The following PTPRO variants were observed in gnomAD, a reference collection of about 807,000 sequenced individuals.
PTPRO encodes receptor-type tyrosine-protein phosphatase O.
Under a neutral mutation model 145.2 loss-of-function variants are expected in PTPRO, and 62 were observed. That is an observed-to-expected ratio of 0.43 (90% CI 0.35 to 0.53). The LOEUF (loss-of-function observed/expected upper bound fraction) is 0.53. PTPRO is among the 20% of genes least tolerant of loss of function. PTPRO has a pLI of 0.01. For missense variants in PTPRO, 1,345 were observed against 1,482.7 expected (o/e 0.91, Z 1.53); for synonymous variants, 565 against 514.7 (o/e 1.10, Z -1.32).
At position 15,549,076 on chromosome 12, in the gene PTPRO, T is replaced by C. The variant is rs911087089; in HGVS notation, c.2305-18T>C. ...GATGAAGTTAACCTAAAATTTACCT[T>C]ATTTTCTGAAACCCCAGGAACCAGT... On this transcript the variant is annotated intron_variant, in intron 13 of 26. Transcript: ENST00000281171. 9 of 1,612,330 alleles carry C rather than the reference T, an allele frequency of 5.6e-6. No individual in the cohort carries two copies. Among genetic ancestry groups the C allele is most frequent in the African/African-American group, 1.3e-5 (1 of 74,846 alleles).
Position 15,557,528 on chromosome 12 carries a change from G to A in PTPRO, c.2627+5G>A. 6.2e-7 allele frequency: 1 copy of A among 1,612,090 alleles called. No homozygotes were observed. Among genetic ancestry groups the A allele is most frequent in the Non-Finnish European group, 8.5e-7 (1 of 1,178,214 alleles). On this transcript the variant is annotated splice_donor_5th_base_variant and intron_variant, in intron 16 of 26. Coordinates refer to ENST00000281171, the MANE Select transcript of PTPRO (RefSeq NM_030667.3). Reference sequence around the variant, plus strand: ...TGGAAAGCTTCCATACAACTGGTGAGTATTGTTTTGGAACAAGCTTCTACA... The same window carrying A: ...TGGAAAGCTTCCATACAACTGGTGAATATTGTTTTGGAACAAGCTTCTACA...
chr12:15,515,538 G>A lies in PTPRO; in HGVS notation c.1505G>A (p.Gly502Asp). 6.2e-7 allele frequency: 1 copy of A among 1,613,892 alleles called. No individual in the cohort carries two copies. Among genetic ancestry groups the A allele is most frequent in the Non-Finnish European group, 8.5e-7 (1 of 1,179,908 alleles). The change falls in exon 8 of 27, where the codon GGT becomes GAT. Residue 502 changes from glycine to aspartate, a missense_variant. By Grantham distance (94) the Gly-to-Asp change is moderately conservative. Around this residue, in one of 3 missense-constraint regions of PTPRO, gnomAD observed 1,130 missense variants for 1,214.7 expected, o/e 0.93. Coordinates refer to ENST00000281171, the MANE Select transcript of PTPRO (RefSeq NM_030667.3). ...SKPIIENLVP[G>D]AQYQVVIYLR... is the part of the protein sequence containing the mutation. The stretch of plus-strand genomic sequence containing the variant: ...CCTATTATTGAAAATCTGGTTCCTG[G>A]TGCCCAGTACCAGGTTGTAATATAC...
chr12:15,578,775 T>C, intron 19 of PTPRO, 78 bp from the exon 20 acceptor site: 1 of 1,061,096 alleles, frequency 9.4e-7, no homozygotes. Flanking sequence ...AAAGGGCTTG[T>C]GAGCAATAAA....
intron 26 of PTPRO, chr12:15,595,505 C>G (rs941652134): frequency 5.2e-6 from 1 of 190,646 alleles, no homozygotes; most frequent in African/African-American, 2.3e-5. Context: ...ACAATAGAGT[C>G]TCAGGATAGC....
At chr12:15,587,303 G>A (rs1944450425) in intron 24 of PTPRO, 9 of 473,196 alleles carry the variant, frequency 1.9e-5, no homozygotes, top group South Asian at 1.7e-4. Context: ...GAGATGTTAA[G>A]GGATTCACAC....
At chr12:15,543,721 T>C (rs576925159) in intron 12 of PTPRO, among the ~76,000 whole-genome samples, 12 of 152,234 alleles carry the variant, frequency 7.9e-5, no homozygotes, top group African/African-American at 2.4e-4. Context: ...ATAGATTATA[T>C]AGGAAATAAT....
At position 15,504,050 on chromosome 12, in the gene PTPRO, A is replaced by G; in HGVS notation, c.1248A>G (p.Lys416=). 1 of 1,612,934 alleles carries G rather than the reference A, an allele frequency of 6.2e-7. No homozygotes were observed. Among genetic ancestry groups the G allele is most frequent in the Middle Eastern group, 1.7e-4 (1 of 6,058 alleles). Residue 416 remains lysine, a synonymous_variant, in exon 6 of 27, where the codon AAA becomes AAG. Coordinates refer to ENST00000281171, the MANE Select transcript of PTPRO (RefSeq NM_030667.3). ...SCETRKSQSA[K]SLSFYISPSG... Reference sequence around the variant, plus strand: ...AAACTCGAAAAAGTCAGTCAGCAAAATCACTCAGCTTTTATATCAGTAAGT... The same window carrying G: ...AAACTCGAAAAAGTCAGTCAGCAAAGTCACTCAGCTTTTATATCAGTAAGT...
intron 8 of PTPRO, among the ~76,000 whole-genome samples, chr12:15,516,336 C>CAAAA (rs548537781): frequency 6.4e-5 from 4 of 62,528 alleles, no homozygotes; most frequent in African/African-American, 2.4e-4. Context: ...GACCCTGTCT[C>CAAAA]AAAAAAAAAA....
chr12:15,462,128 A>C (rs1311215918), intron 1 of PTPRO, among the ~76,000 whole-genome samples: 2 of 151,956 alleles, frequency 1.3e-5, no homozygotes, highest in Non-Finnish European at 2.9e-5. Context: ...AATGTTGCTC[A>C]TCTTTTTTCT....
At chr12:15,440,793 G>A (rs747676282) in intron 1 of PTPRO, among the ~76,000 whole-genome samples, 23 of 152,190 alleles carry the variant, frequency 1.5e-4, no homozygotes, top group South Asian at 2.1e-4. Context: ...AGGCCATTAC[G>A]TAATGATAAA....
chr12:15,585,235 C>T (rs1196253981), intron 23 of PTPRO, among the ~76,000 whole-genome samples: 1 of 152,204 alleles, frequency 6.6e-6, no homozygotes, highest in African/African-American at 2.4e-5. Flanking sequence ...ACAGGGCAAG[C>T]ATTTTCCTGA....
chr12:15,441,922 A>G (rs1940777335), intron 1 of PTPRO, among the ~76,000 whole-genome samples: 1 of 152,174 alleles, frequency 6.6e-6, no homozygotes, highest in African/African-American at 2.4e-5. Context: ...ATTCTACCAG[A>G]TGTACAAAAA....
At chr12:15,502,432 T>C (rs1942240894) in intron 5 of PTPRO, among the ~76,000 whole-genome samples, 1 of 152,170 alleles carries the variant, frequency 6.6e-6, no homozygotes, top group Non-Finnish European at 1.5e-5. Context: ...AAATTTTCTG[T>C]TTTCTCATAT....
intron 24 of PTPRO, among the ~76,000 whole-genome samples, chr12:15,587,451 G>A (rs938615095): frequency 1.3e-5 from 2 of 151,930 alleles, no homozygotes; most frequent in Non-Finnish European, 2.9e-5. Context: ...CAAATACAAG[G>A]TCAAATTATA....
At chr12:15,413,838 A>G (rs1007531763) in intron 1 of PTPRO, among the ~76,000 whole-genome samples, 1 of 152,140 alleles carries the variant, frequency 6.6e-6, no homozygotes, top group Non-Finnish European at 1.5e-5. Flanking sequence ...AAATAAATAA[A>G]TAAAAATAAA....
At chr12:15,587,986 A>G (rs186487802) in intron 24 of PTPRO, among the ~76,000 whole-genome samples, 1 of 152,314 alleles carries the variant, frequency 6.6e-6, no homozygotes, top group Admixed American at 6.5e-5. Flanking sequence ...TGGAAAGGAA[A>G]ATGCTTCATA....
Position 15,516,803 on chromosome 12 carries a change from T to C in PTPRO, c.1626T>C (p.Gly542=), listed in dbSNP as rs1050646. The C allele has an allele frequency of 0.16, 265,440 of 1,611,162 alleles. 22,962 individuals carry two copies. The highest frequency in any genetic ancestry group is 0.2 in the Middle Eastern group (1,224 of 6,058). Residue 542 remains glycine (G), a synonymous_variant, in exon 9 of 27, where the codon GGT becomes GGC. Coordinates refer to ENST00000281171, the MANE Select transcript of PTPRO (RefSeq NM_030667.3). ...AGGATTTAATGCTCTATCCTTTGGG[T>C]CCTACGGCCGTGGTTCTGAGCTGGA... The part of the protein sequence containing the change: ...GIKDLMLYPL[G]PTAVVLSWTR...
At chr12:15,519,094 T>C (rs940020108) in intron 9 of PTPRO, among the ~76,000 whole-genome samples, 1 of 152,194 alleles carries the variant, frequency 6.6e-6, no homozygotes, top group African/African-American at 2.4e-5. Flanking sequence ...TTAATTGGGC[T>C]TACAGTTCCA....
chr12:15,437,627 G>T lies in PTPRO; in HGVS notation c.76-46347G>T, dbSNP rs530523130. Among the ~76,000 whole-genome samples, 3 of 151,922 alleles carry T rather than the reference G, an allele frequency of 2.0e-5. No individual in the cohort carries two copies. In the South Asian group the frequency reaches 6.3e-4, roughly 32 times the overall value. On this transcript the variant is annotated intron_variant, in intron 1 of 26. Transcript: ENST00000281171. ...CTTGCCTGGTGTGGCAACCTGGGTT[G>T]CACAACCCCTTCTGTTCGTAGATAT...
Sources: gnomAD v4.1 joint callset for allele counts (sites outside exome capture counted in the v4.1 genomes callset) on GRCh38, gnomAD v4.1.1 for gene constraint, gnomAD v4.1.1 regional missense constraint, MANE v1.5 for transcripts, NCBI Gene and HGNC (gene_info 2026-07-23, HGNC 2026-07-21) for gene names.